The following DPP6 variants were observed in gnomAD, a reference collection of about 807,000 sequenced individuals.
DPP6 encodes the protein A-type potassium channel modulatory protein DPP6.
DPP6 carries 69 observed loss-of-function variants against 122.6 expected under a neutral mutation model. The observed-to-expected ratio is 0.56, with a 90% CI of 0.46 to 0.69. DPP6 has a LOEUF of 0.69. Among genes scored for constraint, DPP6 ranks in the 30% least tolerant of loss-of-function variants. The pLI, the probability that DPP6 is intolerant of heterozygous loss-of-function variation, is 0.00. For missense variants in DPP6, 928 were observed against 1,116.9 expected (o/e 0.83, Z 2.41); for synonymous variants, 418 against 433.1 (o/e 0.97, Z 0.43).
intron 8 of DPP6, among the ~76,000 whole-genome samples, chr7:154,765,303 C>T (rs564066541): frequency 6.6e-5 from 10 of 152,194 alleles, no homozygotes; most frequent in African/African-American, 2.4e-4. Flanking sequence ...TACCAGTTCT[C>T]CTGCCTGAAG....
chr7:154,478,123 T>TG (rs1822916731), intron 3 of DPP6, among the ~76,000 whole-genome samples: 1 of 152,146 alleles, frequency 6.6e-6, no homozygotes, highest in Non-Finnish European at 1.5e-5. Context: ...TATAATTGGT[T>TG]TTTGACAAAT....
intron 21 of DPP6, among the ~76,000 whole-genome samples, chr7:154,882,698 G>A (rs892367551): frequency 5.9e-5 from 9 of 151,820 alleles, no homozygotes; most frequent in African/African-American, 2.2e-4. Flanking sequence ...GCAGAAGATT[G>A]CCTGTCTCTC....
rs1213179575 is a variant in DPP6 at position 153,998,267 on chromosome 7, A to C, written c.51+110533A>C. Reference sequence around the variant, plus strand: ...AAAATATTTAACAAAATGTGCCAGAACTAGCTGAAAAATAAGTTCCTGAAT... The same window carrying C: ...AAAATATTTAACAAAATGTGCCAGACCTAGCTGAAAAATAAGTTCCTGAAT... On this transcript the variant is annotated intron_variant, in intron 1 of 25. Transcript: ENST00000404039. Among the ~76,000 whole-genome samples the C allele has an allele frequency of 4.6e-5, 7 of 152,214 alleles. No homozygotes were observed. The South Asian group carries it at 1.5e-3, about 32-fold the overall frequency.
At position 154,843,470 on chromosome 7, in the gene DPP6, C is replaced by T. The variant is rs577301674; in HGVS notation, c.1667-10310C>T. Among the ~76,000 whole-genome samples the T allele has an allele frequency of 1.2e-4, 18 of 152,274 alleles. No homozygotes were observed. The South Asian group carries it at 2.5e-3, about 21-fold the overall frequency. ...CAGACTTAGACCAGAACCTCTTTGT[C>T]GGTACAGGCAGACACCATCTGCTTC... On this transcript the variant is annotated intron_variant, in intron 16 of 25. Transcript: ENST00000377770.
rs71532660 is a variant in DPP6, at chr7:154,121,076, T to C, written c.243+68013T>C. ...CTTTGCTCGACTCTCATGCCCTCTC[T>C]TGCTGCTCTGTGAAGGGGCGCCTTC... On this transcript the variant is annotated intron_variant, in intron 1 of 25. Coordinates refer to ENST00000377770, the MANE Select transcript of DPP6 (RefSeq NM_130797.4). 7.2e-5 allele frequency among the ~76,000 whole-genome samples: 11 copies of C among 152,292 alleles called. No individual in the cohort carries two copies. The South Asian group carries it at 8.3e-4, about 11-fold the overall frequency.
chr7:153,757,808 T>TA, the DPP6 span, among the ~76,000 whole-genome samples: 1 of 152,086 alleles, frequency 6.6e-6, no homozygotes, highest in African/African-American at 2.4e-5. Context: ...AATACAAAAA[T>TA]TAGCCAGGCA....
intron 1 of DPP6, among the ~76,000 whole-genome samples, chr7:154,376,229 A>G (rs1813119914): frequency 6.6e-6 from 1 of 152,220 alleles, no homozygotes; most frequent in African/African-American, 2.4e-5. Context: ...GTGGTCATTA[A>G]TAGCACCAAC....
chr7:153,772,477 G>A, the DPP6 span, among the ~76,000 whole-genome samples: 1 of 151,924 alleles, frequency 6.6e-6, no homozygotes, highest in Non-Finnish European at 1.5e-5. Flanking sequence ...GTAAACATGG[G>A]CATAAGTAAT....
chr7:154,124,297 A>C (rs1807717779), intron 1 of DPP6, among the ~76,000 whole-genome samples: 2 of 152,198 alleles, frequency 1.3e-5, no homozygotes, highest in Non-Finnish European at 2.9e-5. Context: ...CCTTGGCTGA[A>C]GCAGAGTGTA....
chr7:153,829,924 A>G, the DPP6 span, among the ~76,000 whole-genome samples: 1 of 152,164 alleles, frequency 6.6e-6, no homozygotes, highest in Non-Finnish European at 1.5e-5. Flanking sequence ...CACTGTCACC[A>G]AATGCTACTC....
At chr7:154,447,338 A>G (rs1819969121) in intron 2 of DPP6, among the ~76,000 whole-genome samples, 1 of 152,182 alleles carries the variant, frequency 6.6e-6, no homozygotes, top group South Asian at 2.1e-4. Context: ...GAGTTATCAT[A>G]GAAAAACATT....
At chr7:154,482,108 G>C (rs1033907259) in intron 3 of DPP6, among the ~76,000 whole-genome samples, 2 of 152,210 alleles carry the variant, frequency 1.3e-5, no homozygotes, top group Non-Finnish European at 2.9e-5. Flanking sequence ...GGGACCTGAA[G>C]GTGAGGATCA....
intron 1 of DPP6, among the ~76,000 whole-genome samples, chr7:154,344,752 T>C (rs192220222): frequency 2.1e-3 from 318 of 152,174 alleles, no homozygotes; most frequent in Non-Finnish European, 1.5e-3. Context: ...GCTGGGCGTC[T>C]TGGTGCACAC....
intron 13 of DPP6, 116 bp downstream of exon 13, chr7:154,801,578 G>A (rs967311090): frequency 1.1e-5 from 16 of 1,405,372 alleles, no homozygotes; most frequent in Non-Finnish European, 1.3e-5. Context: ...GAATCTGAAG[G>A]TGGTTCCCGA....
chr7:154,687,774 C>T (rs772601807), intron 7 of DPP6, among the ~76,000 whole-genome samples: 5 of 152,172 alleles, frequency 3.3e-5, no homozygotes, highest in Non-Finnish European at 7.4e-5. Flanking sequence ...GACATAGTCT[C>T]GTAGATTATC....
At chr7:154,548,599 C>G (rs571177374) in intron 4 of DPP6, among the ~76,000 whole-genome samples, 6 of 152,116 alleles carry the variant, frequency 3.9e-5, no homozygotes, top group African/African-American at 7.2e-5. Flanking sequence ...AGCTACTGTT[C>G]CCTGCAGGCT....
intron 7 of DPP6, among the ~76,000 whole-genome samples, chr7:154,701,628 C>T (rs1840535106): frequency 6.6e-6 from 1 of 152,186 alleles, no homozygotes; most frequent in African/African-American, 2.4e-5. Context: ...CTTCACTCAC[C>T]AGATCATGCA....
chr7:154,399,854 A>G lies in DPP6; in HGVS notation c.244-46360A>G, dbSNP rs1486335186. 7.9e-5 allele frequency among the ~76,000 whole-genome samples: 12 copies of G among 152,228 alleles called. No individual in the cohort carries two copies. The East Asian group carries it at 2.3e-3, about 29-fold the overall frequency. On this transcript the variant is annotated intron_variant, in intron 1 of 25. Transcript: ENST00000377770. Reference sequence around the variant, plus strand: ...TTCAGGTGGAGGGTAGGGGTGCTTCATGGAAGAGACTGAATTTTAACTTAG... The same window carrying G: ...TTCAGGTGGAGGGTAGGGGTGCTTCGTGGAAGAGACTGAATTTTAACTTAG...
rs1270888495 is a variant in DPP6 at position 154,135,950 on chromosome 7, G to A, written c.243+82887G>A. Among the ~76,000 whole-genome samples the A allele has an allele frequency of 2.0e-5, 3 of 151,086 alleles. No individual in the cohort carries two copies. The East Asian group carries it at 5.8e-4, about 29-fold the overall frequency. On this transcript the variant is annotated intron_variant, in intron 1 of 25. Coordinates refer to ENST00000377770, the MANE Select transcript of DPP6 (RefSeq NM_130797.4). ...CACTTCCTCTATGCACTTCCTGTGAGCACACACTTCCTCTCTGTGCACTTT... is the reference window on the plus strand; with the variant it reads ...CACTTCCTCTATGCACTTCCTGTGAACACACACTTCCTCTCTGTGCACTTT...
Sources: gnomAD v4.1 joint callset for allele counts (sites outside exome capture counted in the v4.1 genomes callset) on GRCh38, gnomAD v4.1.1 for gene constraint, MANE v1.5 for transcripts, NCBI Gene and HGNC (gene_info 2026-07-23, HGNC 2026-07-21) for gene names.